Variants in SLC26A5 observed in about 807,000 individuals in gnomAD.
The protein encoded by SLC26A5 is solute carrier family 26 member 5, also known as prestin.
A neutral mutation model predicts 81.0 loss-of-function variants in SLC26A5; 51 were observed. That is an observed-to-expected ratio of 0.63 (90% CI 0.50 to 0.80). SLC26A5 has a LOEUF of 0.80. SLC26A5 is among the 30% of genes least tolerant of loss of function. SLC26A5 has a pLI of 0.00. For synonymous variants in SLC26A5, 325 were observed against 332.8 expected (o/e 0.98, Z 0.25); for missense variants, 771 against 905.8 (o/e 0.85, Z 1.91).
chr7:103,390,330 C>T (rs1822544851), intron 12 of SLC26A5, 99 bp downstream of exon 12: 2 of 1,085,162 alleles, frequency 1.8e-6, no homozygotes, highest in Admixed American at 1.8e-5. Flanking sequence ...GTGAGGGTTA[C>T]AGTAAATAAC....
rs913931764 is a variant in SLC26A5 at position 103,367,609 on chromosome 7, T to A, written c.2041+9199A>T. 6.2e-7 allele frequency: 1 copy of A among 1,613,960 alleles called. No individual in the cohort carries two copies. Among genetic ancestry groups the A allele is most frequent in the Admixed American group, 1.7e-5 (1 of 59,988 alleles). Reference sequence around the variant, plus strand: ...GAAAAATTGAATTTAGCTTGCCCGATCTAGAGGTAAGAAAACCATTTCATT... The same window carrying A: ...GAAAAATTGAATTTAGCTTGCCCGAACTAGAGGTAAGAAAACCATTTCATT... On this transcript the variant is annotated intron_variant, in intron 19 of 19. Coordinates refer to the SLC26A5 transcript ENST00000339444. This position sits in a 1 kb window ranked among gnomAD's most constrained non-coding sequence, Gnocchi z 6.1.
chr7:103,364,512 C>T (rs572426537), intron 19 of SLC26A5, among the ~76,000 whole-genome samples: 4 of 152,088 alleles, frequency 2.6e-5, no homozygotes, highest in Admixed American at 6.5e-5. Flanking sequence ...TGGGCTTAGG[C>T]GATCCTCCCA....
Position 103,410,565 on chromosome 7 carries a change from G to T in SLC26A5, c.571-16C>A. 6.3e-7 allele frequency: 1 copy of T among 1,595,768 alleles called. No homozygotes were observed. Among genetic ancestry groups the T allele is most frequent in the South Asian group, 1.1e-5 (1 of 89,164 alleles). The stretch of plus-strand genomic sequence containing the variant: ...CTAGGCAAAACTATTTTTTTTTAAT[G>T]ACAAAGAAACAAATGAATCACATGA... On this transcript the variant is annotated splice_polypyrimidine_tract_variant and intron_variant, in intron 6 of 19. Coordinates refer to ENST00000306312, the MANE Select transcript of SLC26A5 (RefSeq NM_198999.3).
At chr7:103,381,079 T>C (rs111203725) in intron 14 of SLC26A5, among the ~76,000 whole-genome samples, 8,849 of 149,488 alleles carry the variant, frequency 0.059, 858 homozygotes, top group African/African-American at 0.21. Flanking sequence ...CACACTACAC[T>C]ACATACCACA....
intron 8 of SLC26A5, among the ~76,000 whole-genome samples, chr7:103,404,889 C>A (rs1563550875): frequency 1.3e-5 from 2 of 151,380 alleles, no homozygotes; most frequent in Admixed American, 1.3e-4. Context: ...CCTTTTCATT[C>A]TTTTTTTTTC....
chr7:103,380,328 A>G, intron 15 of SLC26A5, 152 bp downstream of exon 15: 1 of 627,626 alleles, frequency 1.6e-6, no homozygotes, highest in Non-Finnish European at 2.8e-6. Context: ...AAATTATAAA[A>G]TTGAATCCAT....
intron 2 of SLC26A5, among the ~76,000 whole-genome samples, chr7:103,441,578 G>A (rs957671698): frequency 1.3e-5 from 2 of 152,068 alleles, no homozygotes; most frequent in Non-Finnish European, 2.9e-5. Context: ...TTTCAGCTAC[G>A]ATCAAGTTGA....
At chr7:103,354,943 C>G in intron 19 of SLC26A5, 1 of 1,597,808 alleles carries the variant, frequency 6.3e-7, no homozygotes, top group Non-Finnish European at 8.6e-7. Context: ...AATTAATGAG[C>G]TCACTGGTAT....
intron 19 of SLC26A5, among the ~76,000 whole-genome samples, chr7:103,364,986 TAGAG>T (rs1820632406): frequency 6.8e-6 from 1 of 146,484 alleles, no homozygotes; most frequent in Non-Finnish European, 1.5e-5. Flanking sequence ...TATATATATT[TAGAG>T]AATAAGTCTA....
At chr7:103,419,743 G>A (rs1230419218) in intron 4 of SLC26A5, among the ~76,000 whole-genome samples, 1 of 151,850 alleles carries the variant, frequency 6.6e-6, no homozygotes, top group Admixed American at 6.6e-5. Context: ...TCACCATGTT[G>A]GCCAGGCTGA....
At chr7:103,397,365 C>A (rs1204526638) in intron 9 of SLC26A5, among the ~76,000 whole-genome samples, 1 of 151,572 alleles carries the variant, frequency 6.6e-6, no homozygotes, top group Admixed American at 6.6e-5. Flanking sequence ...CATGGTGAAA[C>A]CCCGTCTCTA....
intron 8 of SLC26A5, among the ~76,000 whole-genome samples, chr7:103,404,419 A>T (rs1823863531): frequency 6.6e-6 from 1 of 151,988 alleles, no homozygotes. Context: ...TCTGTAAAGG[A>T]TTTCATTTAT....
At chr7:103,409,035 T>C (rs1374204222) in intron 7 of SLC26A5, among the ~76,000 whole-genome samples, 1 of 152,226 alleles carries the variant, frequency 6.6e-6, no homozygotes, top group African/African-American at 2.4e-5. Context: ...TAAAGCCTGA[T>C]TCCATTTTTA....
At chr7:103,388,265 T>C (rs1822366841) in intron 14 of SLC26A5, among the ~76,000 whole-genome samples, 1 of 150,500 alleles carries the variant, frequency 6.6e-6, no homozygotes, top group East Asian at 2.0e-4. Flanking sequence ...GGTGTGATCT[T>C]GGCTTACTGC....
chr7:103,359,169 TTAA>T (rs1820226485), intron 19 of SLC26A5, among the ~76,000 whole-genome samples: 1 of 138,146 alleles, frequency 7.2e-6, no homozygotes, highest in African/African-American at 2.8e-5. Context: ...TTTTTTTTTT[TTAA>T]TTTTTAGTAG....
At position 103,374,363 on chromosome 7, in the gene SLC26A5, G is replaced by C; in HGVS notation, c.*36C>G. The C allele has an allele frequency of 6.2e-7, 1 of 1,611,226 alleles. No homozygotes were observed. The highest frequency in any genetic ancestry group is 1.1e-5 in the South Asian group (1 of 90,816). ...AACGTGTAAATTATGAACTTCATGA[G>C]AGGCTTATAACCCCATCCTAGGGTG... On this transcript the variant is annotated 3_prime_UTR_variant, in exon 20 of 20. Transcript: ENST00000306312.
rs142937322 is a variant in SLC26A5, at chr7:103,397,649, G to A, written c.971+283C>T. ...GCAGAATCGCTTCAACCTGGGAGAC[G>A]GAGGTTGCAGTGAGCAGAGAAGGCG... is the stretch of plus-strand genomic sequence containing the variant. On this transcript the variant is annotated intron_variant, in intron 9 of 19. Transcript: ENST00000306312. Among the ~76,000 whole-genome samples, 3,194 of 150,652 alleles carry A rather than the reference G, an allele frequency of 0.021. 37 individuals are homozygous for A. The highest frequency in any genetic ancestry group is 0.041 in the Middle Eastern group (12 of 290).
intron 8 of SLC26A5, among the ~76,000 whole-genome samples, chr7:103,402,267 G>A (rs1189227445): frequency 6.6e-6 from 1 of 151,984 alleles, no homozygotes; most frequent in East Asian, 1.9e-4. Context: ...AGGGATTCAA[G>A]TTCCCCCTGG....
At chr7:103,425,612 C>T (rs1378075623) in intron 2 of SLC26A5, among the ~76,000 whole-genome samples, 3 of 152,014 alleles carry the variant, frequency 2.0e-5, no homozygotes, top group African/African-American at 7.2e-5. Flanking sequence ...TTAAAGTAAA[C>T]TTTATATTAT....
Sources: gnomAD v4.1 joint callset for allele counts (sites outside exome capture counted in the v4.1 genomes callset) on GRCh38, gnomAD v4.1.1 for gene constraint, Gnocchi (gnomAD v3.1) non-coding constraint, MANE v1.5 for transcripts, NCBI Gene and HGNC (gene_info 2026-07-23, HGNC 2026-07-21) for gene names.